Variants in GOLIM4 observed in about 807,000 individuals in gnomAD.
GOLIM4 encodes golgi integral membrane protein 4.
A neutral mutation model predicts 107.4 loss-of-function variants in GOLIM4; 71 were observed. The ratio of observed to expected loss-of-function variants is 0.66; its 90% confidence interval spans 0.55 to 0.81. The LOEUF is 0.81. Among genes scored for constraint, GOLIM4 ranks in the 30% least tolerant of loss-of-function variants. GOLIM4 has a pLI of 0.00. For synonymous variants in GOLIM4, 327 were observed against 294.8 expected (o/e 1.11, Z -1.12); for missense variants, 830 against 826.1 (o/e 1.00, Z -0.06).
chr3:168,072,863 A>G (rs1219510338), intron 1 of GOLIM4, among the ~76,000 whole-genome samples: 2 of 152,174 alleles, frequency 1.3e-5, no homozygotes, highest in East Asian at 3.9e-4. Flanking sequence ...ATCTAGAGCT[A>G]TTTAATGTAT....
chr3:168,083,833 A>G (rs2108291592), intron 1 of GOLIM4, among the ~76,000 whole-genome samples: 1 of 152,304 alleles, frequency 6.6e-6, no homozygotes, highest in South Asian at 2.1e-4. Context: ...TCTGTAATTC[A>G]CAATCTCACT....
intron 4 of GOLIM4, 57 bp from the exon 5 acceptor site, chr3:168,043,586 AT>A: frequency 7.3e-7 from 1 of 1,366,182 alleles, no homozygotes; most frequent in Non-Finnish European, 1.0e-6. Context: ...ATGAGAGTCT[AT>A]TTCTTGACAG....
chr3:168,068,291 T>C (rs1057303506), intron 1 of GOLIM4, among the ~76,000 whole-genome samples: 1 of 152,050 alleles, frequency 6.6e-6, no homozygotes, highest in Non-Finnish European at 1.5e-5. Context: ...TTCCCTATTG[T>C]GACGAAAATA....
At chr3:168,084,028 C>A (rs139686509) in intron 1 of GOLIM4, among the ~76,000 whole-genome samples, 7 of 152,252 alleles carry the variant, frequency 4.6e-5, no homozygotes, top group African/African-American at 1.7e-4. Flanking sequence ...TGGTTTGGCT[C>A]TGAGTTGTAA....
intron 1 of GOLIM4, among the ~76,000 whole-genome samples, chr3:168,054,421 T>C (rs1448653657): frequency 6.6e-6 from 1 of 152,178 alleles, no homozygotes; most frequent in African/African-American, 2.4e-5. Context: ...TGAGCCTCAC[T>C]GCTCTTGCTC....
In GOLIM4 at chr3:168,010,956, A is replaced by G. The variant is rs1275260379; in HGVS notation, c.1861-133T>C. 3 of 690,724 alleles carry G rather than the reference A, an allele frequency of 4.3e-6. No homozygotes were observed. In the African/African-American group the frequency reaches 5.4e-5, roughly 12 times the overall value. 42.8% of individuals were successfully genotyped at this position (690,724 alleles called of 1,614,324 possible). Reference sequence around the variant, plus strand: ...TTCCAAAAAGTTCACTCAAAATAGCAGAAGCAAAATTAAAGTAAATATACA... The same window carrying G: ...TTCCAAAAAGTTCACTCAAAATAGCGGAAGCAAAATTAAAGTAAATATACA... On this transcript the variant is annotated intron_variant, in intron 14 of 15. Transcript: ENST00000470487.
chr3:168,028,226 G>C (rs1230190567), intron 11 of GOLIM4, among the ~76,000 whole-genome samples: 1 of 152,110 alleles, frequency 6.6e-6, no homozygotes, highest in Non-Finnish European at 1.5e-5. Flanking sequence ...AGAAGAAATT[G>C]ATAGTTTCAG....
In GOLIM4 at chr3:168,040,862, T is replaced by A. The variant is rs1383490701; in HGVS notation, c.608A>T (p.His203Leu). The stretch of plus-strand genomic sequence containing the variant: ...TTCATGCTCGGAGAGTAAATTCTTA[T>A]GCTGTTGCTACACAAAAAAGAATTT... ...HTQLQDVKQQ[H>L]KNLLSEHEQL... Residue 203 changes from histidine to leucine, a missense_variant, in exon 7 of 16, where the codon CAT (histidine) becomes CTT (leucine). His to Leu is a moderately conservative substitution (Grantham distance 99). Transcript: ENST00000470487. The A allele has an allele frequency of 6.2e-7, 1 of 1,609,258 alleles. No individual in the cohort carries two copies. The highest frequency in any genetic ancestry group is 1.1e-5 in the South Asian group (1 of 90,892).
chr3:168,026,960 A>C (rs1577512817), intron 12 of GOLIM4, among the ~76,000 whole-genome samples: 1 of 152,344 alleles, frequency 6.6e-6, no homozygotes, highest in African/African-American at 2.4e-5. Context: ...TGTTATAAAC[A>C]TGGTAGTTGA....
chr3:168,021,727 G>A (rs1717698949), intron 14 of GOLIM4, among the ~76,000 whole-genome samples: 1 of 152,050 alleles, frequency 6.6e-6, no homozygotes, highest in South Asian at 2.1e-4. Context: ...TTCACAGGCT[G>A]GTAGTCTCAT....
intron 1 of GOLIM4, among the ~76,000 whole-genome samples, chr3:168,067,599 AT>A (rs1215054622): frequency 3.3e-5 from 5 of 151,702 alleles, no homozygotes; most frequent in African/African-American, 1.2e-4. Flanking sequence ...TATTCTGTGT[AT>A]TTTGTTTTTC....
chr3:168,082,133 G>A (rs528311718), intron 1 of GOLIM4, among the ~76,000 whole-genome samples: 149 of 152,226 alleles, frequency 9.8e-4, no homozygotes, highest in African/African-American at 3.2e-3. Flanking sequence ...ACTGATTAAC[G>A]CTATGGCTTC....
chr3:168,054,614 A>C (rs1053703355), intron 1 of GOLIM4, among the ~76,000 whole-genome samples: 19 of 151,528 alleles, frequency 1.3e-4, no homozygotes, highest in African/African-American at 4.4e-4. Flanking sequence ...TATTAATTAA[A>C]CATAATTTAT....
chr3:168,088,292 G>T (rs1244954730), intron 1 of GOLIM4, among the ~76,000 whole-genome samples: 1 of 152,124 alleles, frequency 6.6e-6, no homozygotes, highest in Non-Finnish European at 1.5e-5. Flanking sequence ...TTTTAGGCCA[G>T]CACTAATAAC....
intron 11 of GOLIM4, 63 bp from the exon 12 acceptor site, chr3:168,027,900 C>A: frequency 9.4e-7 from 1 of 1,062,774 alleles, no homozygotes; most frequent in South Asian, 1.3e-5. Context: ...CCTTTCAACT[C>A]AAAGAAAAGC....
At chr3:168,015,347 CT>C (rs1390723142) in intron 14 of GOLIM4, among the ~76,000 whole-genome samples, 3 of 148,146 alleles carry the variant, frequency 2.0e-5, no homozygotes, top group African/African-American at 7.9e-5. Context: ...TGTGAAGGAC[CT>C]CTTCAAGGAG....
At position 168,081,328 on chromosome 3, in the gene GOLIM4, G is replaced by A. The variant is rs372369235; in HGVS notation, c.187+13771C>T. On this transcript the variant is annotated intron_variant, in intron 1 of 15. Transcript: ENST00000470487. ...CTCCAGCACATGTGAGACTGACAGC[G>A]GAAAGCTGCAGAGGTGAAGCAGAAA... Among the ~76,000 whole-genome samples the A allele has an allele frequency of 2.5e-3, 388 of 152,278 alleles. 1 individual carries two copies. The highest frequency in any genetic ancestry group is 8.5e-3 in the African/African-American group (355 of 41,544).
In GOLIM4 at chr3:168,015,840, G is replaced by A. The variant is rs201645327; in HGVS notation, c.1861-5017C>T. On this transcript the variant is annotated intron_variant, in intron 14 of 15. Transcript: ENST00000470487. ...TGCTGGGAAAACTGGCTAGCCATATGTAGAAAGCTGAAACTGGATCACTTC... is the reference window on the plus strand; with the variant it reads ...TGCTGGGAAAACTGGCTAGCCATATATAGAAAGCTGAAACTGGATCACTTC... Among the ~76,000 whole-genome samples, 53 of 132,572 alleles carry A rather than the reference G, an allele frequency of 4.0e-4. 4 individuals carry two copies. The East Asian group carries it at 9.3e-3, about 23-fold the overall frequency. 87.0% of individuals were successfully genotyped at this position (132,572 alleles called of 152,430 possible). A position where few individuals can be genotyped will look rare whatever the true frequency, so the allele number is the denominator to read the frequency against.
At chr3:168,094,980 T>C (rs1325205629) in intron 1 of GOLIM4, 119 bp downstream of exon 1, 19 of 697,730 alleles carry the variant, frequency 2.7e-5, no homozygotes, top group Non-Finnish European at 1.5e-5. Flanking sequence ...ACCTCTGACG[T>C]CCCTGAAGGT....
Sources: allele counts gnomAD v4.1 joint callset (sites outside exome capture counted in the v4.1 genomes callset), GRCh38; gene constraint gnomAD v4.1.1; transcripts MANE v1.5; gene names NCBI Gene and HGNC (gene_info 2026-07-23, HGNC 2026-07-21).